Variants in CNTN5 observed in about 807,000 individuals in gnomAD.
The protein encoded by CNTN5 is contactin 5, also known as contactin-5.
CNTN5 carries 77 observed loss-of-function variants against 129.1 expected under a neutral mutation model. That is an observed-to-expected ratio of 0.60 (90% CI 0.50 to 0.72). CNTN5 has a LOEUF of 0.72. CNTN5 is among the 30% of genes least tolerant of loss of function. The pLI is 0.00. For missense variants in CNTN5, 1,478 were observed against 1,328.8 expected, an observed-to-expected ratio of 1.11 and a Z score of -1.75; for synonymous variants, 509 against 465.6, an observed-to-expected ratio of 1.09 and a Z score of -1.20.
intron 2 of CNTN5, among the ~76,000 whole-genome samples, chr11:99,426,352 C>T (rs909968643): frequency 2.0e-5 from 3 of 151,852 alleles, no homozygotes; most frequent in Non-Finnish European, 2.9e-5. Context: ...CAAATATTTC[C>T]AAAAAAAGGG....
At position 99,326,692 on chromosome 11, in the gene CNTN5, A is replaced by G. The variant is rs1412180246; in HGVS notation, c.-71+1208A>G. ...TTTGATTGCAGGCCCTAACTGTACC[A>G]GGTATCTCTAAATTAATCTTGTGAA... On this transcript the variant is annotated intron_variant, in intron 2 of 24. Transcript: ENST00000524871. Among the ~76,000 whole-genome samples the G allele has an allele frequency of 2.0e-5, 3 of 152,176 alleles. No individual in the cohort carries two copies. In the East Asian group the frequency reaches 5.8e-4, roughly 29 times the overall value.
intron 9 of CNTN5, among the ~76,000 whole-genome samples, chr11:100,058,007 G>A (rs1943305765): frequency 6.6e-6 from 1 of 151,996 alleles, no homozygotes; most frequent in African/African-American, 2.4e-5. Flanking sequence ...TAGTTGCAGA[G>A]CTACCTCTAT....
intron 13 of CNTN5, among the ~76,000 whole-genome samples, chr11:100,088,240 CA>C (rs1300161761): frequency 6.6e-6 from 1 of 151,404 alleles, no homozygotes; most frequent in African/African-American, 2.4e-5. Flanking sequence ...TTCTGAAAAG[CA>C]GTGTTAAGAG....
intron 3 of CNTN5, among the ~76,000 whole-genome samples, chr11:99,804,058 G>A (rs987961398): frequency 1.3e-5 from 2 of 152,098 alleles, no homozygotes; most frequent in Admixed American, 6.6e-5. Flanking sequence ...TGTAATGACA[G>A]CACATGTCAG....
intron 6 of CNTN5, among the ~76,000 whole-genome samples, chr11:99,891,016 A>G (rs1949044986): frequency 6.6e-6 from 1 of 152,172 alleles, no homozygotes; most frequent in African/African-American, 2.4e-5. Context: ...AGTATGAGAA[A>G]CTGTCACAAC....
At chr11:100,039,826 C>T (rs577195605) in intron 9 of CNTN5, among the ~76,000 whole-genome samples, 5 of 152,312 alleles carry the variant, frequency 3.3e-5, no homozygotes, top group African/African-American at 1.2e-4. Flanking sequence ...CCATCAGGTC[C>T]TTTAAGGACT....
At chr11:99,795,136 C>G (rs573753236) in intron 3 of CNTN5, among the ~76,000 whole-genome samples, 2 of 152,054 alleles carry the variant, frequency 1.3e-5, no homozygotes, top group Non-Finnish European at 2.9e-5. Flanking sequence ...ATTCTTTTTT[C>G]TTTATTTTTG....
chr11:99,892,229 C>G (rs1345464747), intron 6 of CNTN5, among the ~76,000 whole-genome samples: 1 of 152,066 alleles, frequency 6.6e-6, no homozygotes, highest in South Asian at 2.1e-4. Context: ...GATATTAGCC[C>G]TTTGTCAGAA....
chr11:99,485,068 T>C (rs890664182), intron 2 of CNTN5, among the ~76,000 whole-genome samples: 1 of 152,088 alleles, frequency 6.6e-6, no homozygotes, highest in African/African-American at 2.4e-5. Flanking sequence ...AGGAGGATAT[T>C]GAATGCTCCC....
intron 1 of CNTN5, among the ~76,000 whole-genome samples, chr11:99,050,199 T>A (rs1230172645): frequency 6.6e-6 from 1 of 152,096 alleles, no homozygotes; most frequent in Non-Finnish European, 1.5e-5. Context: ...ATCTTCCTGA[T>A]GAAATGTATT....
At chr11:100,228,683 G>A (rs1380020747) in intron 16 of CNTN5, among the ~76,000 whole-genome samples, 1 of 152,170 alleles carries the variant, frequency 6.6e-6, no homozygotes, top group Non-Finnish European at 1.5e-5. Context: ...CACCTGCTCT[G>A]TGTCGGGCAC....
At chr11:99,423,208 T>G (rs1307905174) in intron 2 of CNTN5, among the ~76,000 whole-genome samples, 1 of 152,130 alleles carries the variant, frequency 6.6e-6, no homozygotes, top group East Asian at 1.9e-4. Flanking sequence ...CTTTACCTGG[T>G]GATTGGAGTG....
At chr11:99,320,345 A>G (rs1488799348) in intron 1 of CNTN5, among the ~76,000 whole-genome samples, 1 of 152,196 alleles carries the variant, frequency 6.6e-6, no homozygotes. Context: ...CGAGATGATT[A>G]TTGTTACCAT....
chr11:100,207,566 A>G lies in CNTN5; in HGVS notation c.1884+13903A>G, dbSNP rs552837272. Among the ~76,000 whole-genome samples, 10 of 152,240 alleles carry G rather than the reference A, an allele frequency of 6.6e-5. No homozygotes were observed. In the East Asian group the frequency reaches 1.9e-3, roughly 29 times the overall value. On this transcript the variant is annotated intron_variant, in intron 15 of 24. Transcript: ENST00000524871. ...ATACTGCATTTTATCCTTTCTAACT[A>G]CTGATAGCCCCATAAATAAATATAT...
chr11:99,546,858 G>C (rs776440110), intron 2 of CNTN5, among the ~76,000 whole-genome samples: 5 of 152,062 alleles, frequency 3.3e-5, no homozygotes, highest in Non-Finnish European at 7.4e-5. Flanking sequence ...TAAGATCTTT[G>C]CACTGACTCT....
At chr11:99,499,019 T>C (rs1946331734) in intron 2 of CNTN5, among the ~76,000 whole-genome samples, 1 of 152,128 alleles carries the variant, frequency 6.6e-6, no homozygotes, top group South Asian at 2.1e-4. Flanking sequence ...AGCCAATACA[T>C]CCCCTTGTTG....
intron 1 of CNTN5, among the ~76,000 whole-genome samples, chr11:99,193,733 G>A (rs1858760560): frequency 6.6e-6 from 1 of 152,072 alleles, no homozygotes; most frequent in Admixed American, 6.6e-5. Context: ...CGTTTCACAG[G>A]CAGATATAAA....
At chr11:99,681,939 C>A (rs1953573238) in intron 3 of CNTN5, among the ~76,000 whole-genome samples, 1 of 151,994 alleles carries the variant, frequency 6.6e-6, no homozygotes, top group Non-Finnish European at 1.5e-5. Context: ...TGGCTGTAGA[C>A]TTCTCAGGAA....
chr11:99,303,462 G>A (rs1188459472), intron 1 of CNTN5, among the ~76,000 whole-genome samples: 2 of 150,774 alleles, frequency 1.3e-5, no homozygotes, highest in Admixed American at 6.7e-5. Context: ...GCAAATTAGA[G>A]CAAATGATTA....
Sources: allele counts gnomAD v4.1 joint callset (sites outside exome capture counted in the v4.1 genomes callset), GRCh38; gene constraint gnomAD v4.1.1; transcripts MANE v1.5; gene names NCBI Gene and HGNC (gene_info 2026-07-23, HGNC 2026-07-21).